FOXL2NB: variants seen among roughly 807,000 people sequenced by gnomAD.
FOXL2NB encodes FOXL2 neighbor protein.
Under a neutral mutation model 7.4 loss-of-function variants are expected in FOXL2NB, and 10 were observed. The ratio of observed to expected loss-of-function variants is 1.34; its 90% CI spans 0.83 to 2.28. The LOEUF (loss-of-function observed/expected upper bound fraction) is 2.28, where lower values mean the gene tolerates loss of function less well. Ranked by LOEUF, FOXL2NB falls within the 30% of genes most tolerant of loss-of-function variation. FOXL2NB has a pLI of 0.00. For synonymous variants in FOXL2NB, 104 were observed against 105.3 expected (o/e 0.99, Z 0.08); for missense variants, 228 against 233.9 (o/e 0.97, Z 0.17).
chr3:138,948,801 A>G (rs1576471581), intron 1 of FOXL2NB, among the ~76,000 whole-genome samples: 1 of 152,316 alleles, frequency 6.6e-6, no homozygotes, highest in African/African-American at 2.4e-5. Context: ...AGGGAGGACA[A>G]GGGTGGTAGG....
rs1441543329 is a variant in FOXL2NB, at chr3:138,950,449, C to G, written c.405C>G (p.Pro135=). Residue 135 remains proline (P), a synonymous_variant, in exon 3 of 3, where the codon CCC becomes CCG. Transcript: ENST00000383165. ...CGCTGTCCCCTTTCCTAGCGGGACC[C>G]CGAAACACCCGGCGGCTTCCCGCTC... The part of the protein sequence containing the change: ...QVPLSPFLAG[P]RNTRRLPAPE... 1 of 1,613,984 alleles carries G rather than the reference C, an allele frequency of 6.2e-7. No homozygotes were observed. The highest frequency in any genetic ancestry group is 8.5e-7 in the Non-Finnish European group (1 of 1,180,044).
Position 138,949,149 on chromosome 3 carries a change from C to G in FOXL2NB, c.101-371C>G, listed in dbSNP as rs1042932609. 6.6e-6 allele frequency among the ~76,000 whole-genome samples: 1 copy of G among 151,876 alleles called. No individual in the cohort carries two copies. Among genetic ancestry groups the G allele is most frequent in the Non-Finnish European group, 1.5e-5 (1 of 67,984 alleles). ...AGGGCCTGGGCAGGGGGAAAAACAGCTGGGTCTGGCCCCATCCTGGTGGGG... is the reference window on the plus strand; with the variant it reads ...AGGGCCTGGGCAGGGGGAAAAACAGGTGGGTCTGGCCCCATCCTGGTGGGG... On this transcript the variant is annotated intron_variant, in intron 1 of 2. Transcript: ENST00000383165. The surrounding 1 kb of genome is among the most constrained non-coding windows in gnomAD (Gnocchi z 4.5).
At position 138,949,765 on chromosome 3, in the gene FOXL2NB, C is replaced by T. The variant is rs2107747776; in HGVS notation, c.220+126C>T. 7.1e-7 allele frequency: 1 copy of T among 1,406,852 alleles called. No individual in the cohort carries two copies. Among genetic ancestry groups the T allele is most frequent in the African/African-American group, 1.4e-5 (1 of 70,658 alleles). 87.1% of individuals were successfully genotyped at this position (1,406,852 alleles called of 1,614,324 possible). A position where few individuals can be genotyped will look rare whatever the true frequency, so the allele number is the denominator to read the frequency against. On this transcript the variant is annotated intron_variant, in intron 2 of 2. Coordinates refer to ENST00000383165, the MANE Select transcript of FOXL2NB (RefSeq NM_001040061.3). The surrounding 1 kb of genome is among the most constrained non-coding windows in gnomAD (Gnocchi z 4.5). ...TCTAGGGAGAGAACAGAATCCTCTC[C>T]TTGCCGGCCCAGCCAGAGGTGGGTG...
chr3:138,950,666 G>T lies in FOXL2NB; in HGVS notation c.*94G>T, dbSNP rs1333260807. On this transcript the variant is annotated 3_prime_UTR_variant, in exon 3 of 3. Transcript: ENST00000383165. ...CTTTGCACCCACACCTCAGGGACTC[G>T]GTGTCCCTCCACTCAGGTCACGTTA... The T allele has an allele frequency of 2.0e-5, 27 of 1,336,142 alleles. No individual in the cohort carries two copies. The highest frequency in any genetic ancestry group is 2.4e-5 in the Non-Finnish European group (23 of 950,604). The allele number at this position is 1,336,142 out of a possible 1,614,324, so 82.8% of individuals were successfully genotyped here.
rs1044062652 is a variant in FOXL2NB, at chr3:138,953,727, C to T, written c.*3155C>T. Among the ~76,000 whole-genome samples the T allele has an allele frequency of 1.3e-5, 2 of 151,270 alleles. No homozygotes were observed. The highest frequency in any genetic ancestry group is 2.9e-5 in the Non-Finnish European group (2 of 68,042). ...ATCAATATTGCCTCAAAAGGGAAAC[C>T]ATATTTGGATTTCTATCACCATAAA... On this transcript the variant is annotated 3_prime_UTR_variant, in exon 3 of 3. Transcript: ENST00000383165.
chr3:138,947,712 A>G lies in FOXL2NB; in HGVS notation c.100+248A>G, dbSNP rs1936018526. On this transcript the variant is annotated intron_variant, in intron 1 of 2. Coordinates refer to ENST00000383165, the MANE Select transcript of FOXL2NB (RefSeq NM_001040061.3). This position sits in a 1 kb window ranked among gnomAD's most constrained non-coding sequence, Gnocchi z 5.2. The stretch of plus-strand genomic sequence containing the variant: ...GGGGCAGGGGAGAGGATCTCTGGAA[A>G]TAGTCGTCAGGGGCGCCGCCTGAAT... 2.4e-6 allele frequency: 3 copies of G among 1,239,598 alleles called. No individual in the cohort carries two copies. Among genetic ancestry groups the G allele is most frequent in the Non-Finnish European group, 3.0e-6 (3 of 990,654 alleles). 76.8% of individuals were successfully genotyped at this position (1,239,598 alleles called of 1,614,324 possible).
At chr3:138,948,749 C>G (rs1936047924) in intron 1 of FOXL2NB, among the ~76,000 whole-genome samples, 1 of 152,190 alleles carries the variant, frequency 6.6e-6, no homozygotes, top group African/African-American at 2.4e-5. Context: ...GTGTTGTCTG[C>G]TGCTCACTCA....
rs1936082449 is a variant in FOXL2NB at position 138,949,832 on chromosome 3, C to T, written c.220+193C>T. 1.3e-6 allele frequency: 1 copy of T among 770,976 alleles called. No homozygotes were observed. Among genetic ancestry groups the T allele is most frequent in the Admixed American group, 2.0e-5 (1 of 50,050 alleles). The allele number at this position is 770,976 out of a possible 1,614,324, so 47.8% of individuals were successfully genotyped here. On this transcript the variant is annotated intron_variant, in intron 2 of 2. Coordinates refer to ENST00000383165, the MANE Select transcript of FOXL2NB (RefSeq NM_001040061.3). This position sits in a 1 kb window ranked among gnomAD's most constrained non-coding sequence, Gnocchi z 4.5. ...AAACGGTGCGGGGCGCCCTGATTTA[C>T]TTCTCAACCTTCGGAGGTAGGCTGG...
In FOXL2NB at chr3:138,947,327, A is replaced by C; in HGVS notation, c.-38A>C. The C allele has an allele frequency of 6.6e-7, 1 of 1,511,400 alleles. No homozygotes were observed. Among genetic ancestry groups the C allele is most frequent in the Non-Finnish European group, 9.0e-7 (1 of 1,116,648 alleles). The allele number at this position is 1,511,400 out of a possible 1,614,324, so 93.6% of individuals were successfully genotyped here. A position where few individuals can be genotyped will look rare whatever the true frequency, so the allele number is the denominator to read the frequency against. ...CGACAGCCAGGCTCACGCGCCCTTG[A>C]AATCTGCCGGTACTCGCTCTGCGGG... On this transcript the variant is annotated 5_prime_UTR_variant, in exon 1 of 3. Transcript: ENST00000383165. This position sits in a 1 kb window ranked among gnomAD's most constrained non-coding sequence, Gnocchi z 5.2.
At position 138,950,368 on chromosome 3, in the gene FOXL2NB, T is replaced by C. The variant is rs1242590335; in HGVS notation, c.324T>C (p.Ala108=). 35 of 1,612,220 alleles carry C rather than the reference T, an allele frequency of 2.2e-5. No individual in the cohort carries two copies. Among genetic ancestry groups the C allele is most frequent in the Non-Finnish European group, 2.8e-5 (33 of 1,179,800 alleles). ...KRRGCSEAGS[A]SLEPLSSSRA... The stretch of plus-strand genomic sequence containing the variant: ...GCGGCTGCTCTGAGGCAGGCAGCGC[T>C]TCGCTAGAACCACTCAGCTCGTCCC... Residue 108 remains alanine (A), a synonymous_variant, in exon 3 of 3, where the codon GCT becomes GCC. Coordinates refer to ENST00000383165, the MANE Select transcript of FOXL2NB (RefSeq NM_001040061.3).
In FOXL2NB at chr3:138,953,935, A is replaced by G. The variant is rs928932963; in HGVS notation, c.*3363A>G. On this transcript the variant is annotated 3_prime_UTR_variant, in exon 3 of 3. Coordinates refer to ENST00000383165, the MANE Select transcript of FOXL2NB (RefSeq NM_001040061.3). ...TGCTTATCCATCCATATGTTGAGGG[A>G]CATTTGTTTCCAGTTTTTGGATATC... is the stretch of plus-strand genomic sequence containing the variant. Among the ~76,000 whole-genome samples the G allele has an allele frequency of 1.3e-5, 2 of 152,150 alleles. No individual in the cohort carries two copies. Among genetic ancestry groups the G allele is most frequent in the Admixed American group, 6.5e-5 (1 of 15,280 alleles).
In FOXL2NB at chr3:138,952,608, A is replaced by G. The variant is rs1475379773; in HGVS notation, c.*2036A>G. 1 of 151,482 alleles carries G rather than the reference A, an allele frequency of 6.6e-6. No homozygotes were observed. Among genetic ancestry groups the G allele is most frequent in the Non-Finnish European group, 1.5e-5 (1 of 67,990 alleles). The allele number at this position is 151,482 out of a possible 1,614,324, so 9.4% of individuals were successfully genotyped here. Reference sequence around the variant, plus strand: ...CCGCAGTCTCCACCTCCCAGGCTCAAGTGATCCTCCCATCTCAGCCTCAGC... The same window carrying G: ...CCGCAGTCTCCACCTCCCAGGCTCAGGTGATCCTCCCATCTCAGCCTCAGC... On this transcript the variant is annotated 3_prime_UTR_variant, in exon 3 of 3. Transcript: ENST00000383165.
At position 138,947,576 on chromosome 3, in the gene FOXL2NB, G is replaced by T. The variant is rs1241579077; in HGVS notation, c.100+112G>T. The T allele has an allele frequency of 1.4e-6, 2 of 1,449,830 alleles. No individual in the cohort carries two copies. Among genetic ancestry groups the T allele is most frequent in the East Asian group, 2.6e-5 (1 of 38,830 alleles). 89.8% of individuals were successfully genotyped at this position (1,449,830 alleles called of 1,614,324 possible). A position where few individuals can be genotyped will look rare whatever the true frequency, so the allele number is the denominator to read the frequency against. ...CGAGGGGGCTGGACGGGGTAGGGTG[G>T]GGAGAGCTGCTCTGAGGCTTTGGGA... On this transcript the variant is annotated intron_variant, in intron 1 of 2. Coordinates refer to ENST00000383165, the MANE Select transcript of FOXL2NB (RefSeq NM_001040061.3). This position sits in a 1 kb window ranked among gnomAD's most constrained non-coding sequence, Gnocchi z 5.2.
rs541287667 is a variant in FOXL2NB at position 138,953,803 on chromosome 3, G to A, written c.*3231G>A. ...TATAAATGGAGCATATAGCATGTAT[G>A]CCTTTATGTCTAGTTTTTTCTGTGC... On this transcript the variant is annotated 3_prime_UTR_variant, in exon 3 of 3. Coordinates refer to ENST00000383165, the MANE Select transcript of FOXL2NB (RefSeq NM_001040061.3). 5.1e-4 allele frequency among the ~76,000 whole-genome samples: 77 copies of A among 152,236 alleles called. No individual in the cohort carries two copies. The highest frequency in any genetic ancestry group is 1.8e-3 in the African/African-American group (76 of 41,532).
At position 138,950,329 on chromosome 3, in the gene FOXL2NB, A is replaced by T. The variant is rs761594173; in HGVS notation, c.285A>T (p.Leu95=). ...PAPRASGGPA[L]LGKRRGCSEA... ...CTCGGGCTTCCGGCGGCCCAGCTCT[A>T]CTAGGGAAGCGTCGCGGCTGCTCTG... The change falls in exon 3 of 3, where the codon CTA becomes CTT. Residue 95 remains leucine, a synonymous_variant. Coordinates refer to ENST00000383165, the MANE Select transcript of FOXL2NB (RefSeq NM_001040061.3). The T allele has an allele frequency of 4.3e-6, 7 of 1,610,426 alleles. No homozygotes were observed. Among genetic ancestry groups the T allele is most frequent in the Non-Finnish European group, 5.9e-6 (7 of 1,179,294 alleles).
At position 138,949,986 on chromosome 3, in the gene FOXL2NB, G is replaced by T; in HGVS notation, c.221-279G>T. 1 of 699,082 alleles carries T rather than the reference G, an allele frequency of 1.4e-6. No individual in the cohort carries two copies. Among genetic ancestry groups the T allele is most frequent in the Non-Finnish European group, 2.6e-6 (1 of 384,286 alleles). The allele number at this position is 699,082 out of a possible 1,614,324, so 43.3% of individuals were successfully genotyped here. On this transcript the variant is annotated intron_variant, in intron 2 of 2. Coordinates refer to ENST00000383165, the MANE Select transcript of FOXL2NB (RefSeq NM_001040061.3). The surrounding 1 kb of genome is among the most constrained non-coding windows in gnomAD (Gnocchi z 4.5). ...GGGCCCCCGGCTTAGTGACCTTGGG[G>T]CGGCGCTCACCTCCAAAGGCCAGGG...
At position 138,949,593 on chromosome 3, in the gene FOXL2NB, G is replaced by T. The variant is rs761404406; in HGVS notation, c.174G>T (p.Lys58Asn). The stretch of plus-strand genomic sequence containing the variant: ...GAAGGGCTGGAATCGGTCTCCCCAA[G>T]ATGTGCCTTCACATGGCTGTCCGGC... Reference protein sequence around the residue: ...TLGRAGIGLPKMCLHMAVRHS... With the variant: ...TLGRAGIGLPNMCLHMAVRHS... The change falls in exon 2 of 3, where the codon AAG becomes AAT. Residue 58 changes from lysine (K) to asparagine (N), a missense_variant. By Grantham distance (94) the Lys-to-Asn change is moderately conservative. Transcript: ENST00000383165. The surrounding 1 kb of genome is among the most constrained non-coding windows in gnomAD (Gnocchi z 4.5). 1.2e-6 allele frequency: 2 copies of T among 1,614,192 alleles called. No individual in the cohort carries two copies. Among genetic ancestry groups the T allele is most frequent in the Admixed American group, 3.3e-5 (2 of 60,032 alleles).
rs1936004255 is a variant in FOXL2NB at position 138,947,246 on chromosome 3, C to G, written c.-119C>G. 2 of 782,274 alleles carry G rather than the reference C, an allele frequency of 2.6e-6. No individual in the cohort carries two copies. The highest frequency in any genetic ancestry group is 4.0e-6 in the Non-Finnish European group (2 of 495,804). 48.5% of individuals were successfully genotyped at this position (782,274 alleles called of 1,614,324 possible). On this transcript the variant is annotated 5_prime_UTR_variant, in exon 1 of 3. Coordinates refer to ENST00000383165, the MANE Select transcript of FOXL2NB (RefSeq NM_001040061.3). This position sits in a 1 kb window ranked among gnomAD's most constrained non-coding sequence, Gnocchi z 5.2. ...TCATCTCCAAGTCACTTTTTGTAAA[C>G]GCCCCGCACAGCCTGGACCGGCCTG... is the stretch of plus-strand genomic sequence containing the variant.
chr3:138,947,456 G>A lies in FOXL2NB; in HGVS notation c.92G>A (p.Arg31Gln), dbSNP rs371206426. ...GGAAAGGCGCTCCAAGCCTCCTCGC[G>A]GCTTTCAGGTGAAAGAAAACGACTC... Reference protein sequence around the residue: ...QRGKALQASSRLSESPALVKK... With the variant: ...QRGKALQASSQLSESPALVKK... Residue 31 changes from arginine (R) to glutamine (Q), a missense_variant, in exon 1 of 3, where the codon CGG (arginine) becomes CAG (glutamine). By Grantham distance (43) the Arg-to-Gln change is conservative. Transcript: ENST00000383165. The surrounding 1 kb of genome is among the most constrained non-coding windows in gnomAD (Gnocchi z 5.2). 1.3e-5 allele frequency: 20 copies of A among 1,542,014 alleles called. No homozygotes were observed. Among genetic ancestry groups the A allele is most frequent in the Non-Finnish European group, 9.6e-6 (11 of 1,141,158 alleles).
Sources: allele counts gnomAD v4.1 joint callset (sites outside exome capture counted in the v4.1 genomes callset), GRCh38; gene constraint gnomAD v4.1.1; non-coding constraint Gnocchi (gnomAD v3.1); transcripts MANE v1.5; gene names NCBI Gene and HGNC (gene_info 2026-07-23, HGNC 2026-07-21).